Variants in HMGN1 observed in about 807,000 individuals in gnomAD.
The protein encoded by HMGN1 is high mobility group nucleosome binding domain 1, also known as non-histone chromosomal protein HMG-14.
In HMGN1, 9 loss-of-function variants were observed where a neutral mutation model predicts 18.4. The observed-to-expected ratio is 0.49, with a 90% CI of 0.29 to 0.85. The LOEUF is 0.85. HMGN1 is among the 40% of genes least tolerant of loss of function. The probability of loss-of-function intolerance (pLI) is 0.07; values close to 1 mark genes in which losing one functional copy is unlikely to be tolerated. For missense variants in HMGN1, 151 were observed against 119.2 expected, an observed-to-expected ratio of 1.27 and a Z score of -1.24; for synonymous variants, 59 against 45.0, an observed-to-expected ratio of 1.31 and a Z score of -1.24.
In HMGN1 at chr21:39,343,075, G is replaced by A. The variant is rs761550243; in HGVS notation, c.*37C>T. 9.6e-6 allele frequency: 13 copies of A among 1,350,448 alleles called. No individual in the cohort carries two copies. The African/African-American group carries it at 1.8e-4, about 18-fold the overall frequency. The allele number at this position is 1,350,448 out of a possible 1,614,324, so 83.7% of individuals were successfully genotyped here. On this transcript the variant is annotated 3_prime_UTR_variant, in exon 6 of 6. Transcript: ENST00000380749. Reference sequence around the variant, plus strand: ...TATTCCTCTGGATTGTACAAGAAGGGAGACAGGGACCACTGATAAGACATG... The same window carrying A: ...TATTCCTCTGGATTGTACAAGAAGGAAGACAGGGACCACTGATAAGACATG...
At chr21:39,345,630 C>G in intron 4 of HMGN1, 1 of 390,974 alleles carries the variant, frequency 2.6e-6, no homozygotes, top group Admixed American at 3.5e-5. Flanking sequence ...AGACATATGA[C>G]AAATCCTAAA....
intron 4 of HMGN1, chr21:39,345,638 A>T (rs2037024584): frequency 2.5e-6 from 1 of 392,304 alleles, no homozygotes; most frequent in African/African-American, 2.1e-5. Context: ...GACAAATCCT[A>T]AAGCCCGAGC....
At chr21:39,348,873 G>A in intron 1 of HMGN1, 30 bp downstream of exon 1, 7 of 1,116,818 alleles carry the variant, frequency 6.3e-6, no homozygotes, top group Non-Finnish European at 6.6e-6. Context: ...CGGCTCCAGG[G>A]GGCGTGTGCG....
rs774613025 is a variant in HMGN1 at position 39,342,912 on chromosome 21, T to C, written c.*200A>G. 27 of 1,337,662 alleles carry C rather than the reference T, an allele frequency of 2.0e-5. No homozygotes were observed. The South Asian group carries it at 2.3e-4, about 11-fold the overall frequency. 82.9% of individuals were successfully genotyped at this position (1,337,662 alleles called of 1,614,324 possible). On this transcript the variant is annotated 3_prime_UTR_variant, in exon 6 of 6. Coordinates refer to ENST00000380749, the MANE Select transcript of HMGN1 (RefSeq NM_004965.7). ...ACTATTTTCTGGTTGTACCAAAAAATAAACAACCAGCAAATGATTTCACCT... is the reference window on the plus strand; with the variant it reads ...ACTATTTTCTGGTTGTACCAAAAAACAAACAACCAGCAAATGATTTCACCT...
chr21:39,347,221 A>G (rs944692251), intron 4 of HMGN1: 2 of 490,082 alleles, frequency 4.1e-6, no homozygotes, highest in Non-Finnish European at 5.8e-6. Flanking sequence ...TGAGAAATTT[A>G]AAGTTGAAAA....
chr21:39,347,358 A>C, intron 4 of HMGN1: 1 of 1,090,122 alleles, frequency 9.2e-7, no homozygotes, highest in Non-Finnish European at 1.2e-6. Flanking sequence ...TTAAAAAAGA[A>C]AAAACATCTT....
rs772635366 is a variant in HMGN1 at position 39,345,737 on chromosome 21, C to T, written c.127-463G>A. The stretch of plus-strand genomic sequence containing the variant: ...ATGAAGTTGAATACCGGAGGAGTCT[C>T]GTCGACCGTATTCCCACCCATCCCC... On this transcript the variant is annotated intron_variant, in intron 4 of 5. Coordinates refer to ENST00000380749, the MANE Select transcript of HMGN1 (RefSeq NM_004965.7). 4.0e-5 allele frequency: 35 copies of T among 868,028 alleles called. 3 individuals carry two copies. The South Asian group carries it at 4.4e-4, about 11-fold the overall frequency. 53.8% of individuals were successfully genotyped at this position (868,028 alleles called of 1,614,324 possible).
chr21:39,347,108 G>C (rs2776313), intron 4 of HMGN1: 1 of 165,562 alleles, frequency 6.0e-6, no homozygotes, highest in Admixed American at 6.2e-5. Flanking sequence ...ATAATATACT[G>C]CTCACGCCAA....
At chr21:39,346,297 G>A in intron 4 of HMGN1, 1 of 239,352 alleles carries the variant, frequency 4.2e-6, no homozygotes, top group Non-Finnish European at 8.4e-6. Context: ...ACAGCATAAT[G>A]ACTTTTAATA....
chr21:39,345,986 A>G lies in HMGN1; in HGVS notation c.127-712T>C, dbSNP rs758303171. ...GAAAAGCACAGGTATTAATATGACC[A>G]TACTAACTTGATACATTAAGTTCAA... On this transcript the variant is annotated intron_variant, in intron 4 of 5. Transcript: ENST00000380749. 19 of 1,283,292 alleles carry G rather than the reference A, an allele frequency of 1.5e-5. No homozygotes were observed. The South Asian group carries it at 2.4e-4, about 16-fold the overall frequency. The allele number at this position is 1,283,292 out of a possible 1,614,324, so 79.5% of individuals were successfully genotyped here.
chr21:39,347,735 C>T (rs141031344), intron 4 of HMGN1: 13 of 263,422 alleles, frequency 4.9e-5, no homozygotes, highest in Non-Finnish European at 7.5e-5. Context: ...TCGAATCATG[C>T]AATCACGAAT....
At chr21:39,346,166 A>C in intron 4 of HMGN1, 1 of 356,664 alleles carries the variant, frequency 2.8e-6, no homozygotes, top group Non-Finnish European at 5.5e-6. Context: ...CCATACGGAT[A>C]CTGACCAATT....
At chr21:39,348,241 G>A (rs2037130588) in intron 4 of HMGN1, 51 bp downstream of exon 4, 1 of 1,596,390 alleles carries the variant, frequency 6.3e-7, no homozygotes, top group Non-Finnish European at 8.6e-7. Context: ...GCATTAAGAA[G>A]CAGTGTAGCC....
At chr21:39,345,696 A>G (rs967736640) in intron 4 of HMGN1, 5 of 541,944 alleles carry the variant, frequency 9.2e-6, no homozygotes, top group Admixed American at 5.0e-5. Flanking sequence ...ACAGTTCCAC[A>G]TGACAGGACA....
At chr21:39,345,587 G>T in intron 4 of HMGN1, 1 of 417,838 alleles carries the variant, frequency 2.4e-6, no homozygotes, top group Non-Finnish European at 4.5e-6. Context: ...ATGCTAAGGA[G>T]ATTTTAATAG....
At chr21:39,346,083 A>C in intron 4 of HMGN1, 1 of 519,388 alleles carries the variant, frequency 1.9e-6, no homozygotes, top group Non-Finnish European at 3.2e-6. Context: ...AGAAAGCTTA[A>C]CATTTATTCC....
In HMGN1 at chr21:39,343,028, T is replaced by C. The variant is rs2036916783; in HGVS notation, c.*84A>G. 1 of 1,309,980 alleles carries C rather than the reference T, an allele frequency of 7.6e-7. No homozygotes were observed. The highest frequency in any genetic ancestry group is 1.1e-6 in the Non-Finnish European group (1 of 914,898). The allele number at this position is 1,309,980 out of a possible 1,614,324, so 81.1% of individuals were successfully genotyped here. ...TTCTAGAGCTACTAAAAAACTTGCA[T>C]TTACAAAATAGTTGATAAAAATATT... On this transcript the variant is annotated 3_prime_UTR_variant, in exon 6 of 6. Coordinates refer to ENST00000380749, the MANE Select transcript of HMGN1 (RefSeq NM_004965.7).
chr21:39,345,401 G>C, intron 4 of HMGN1, 127 bp from the exon 5 acceptor site: 1 of 846,438 alleles, frequency 1.2e-6, no homozygotes, highest in Non-Finnish European at 1.9e-6. Flanking sequence ...TAAGGTTTGA[G>C]AGAGGGACAT....
At position 39,348,448 on chromosome 21, in the gene HMGN1, T is replaced by G. The variant is rs753045405; in HGVS notation, c.52A>C (p.Lys18Gln). Residue 18 changes from lysine to glutamine, a missense_variant, in exon 3 of 6, where the codon AAG becomes CAG. Transcript: ENST00000380749. The stretch of plus-strand genomic sequence containing the variant: ...GCTGACAACCGCGCCGATCTCCTCT[T>G]GGGCTTGGAGAAAGAAAAAGGAGAG... The part of the protein sequence containing the change: ...SAEGAAKEEP[K>Q]RRSARLSAKP... The G allele has an allele frequency of 3.7e-6, 6 of 1,614,122 alleles. No individual in the cohort carries two copies. In the South Asian group the frequency reaches 6.6e-5, roughly 18 times the overall value.
Sources: allele counts gnomAD v4.1 joint callset, GRCh38; gene constraint gnomAD v4.1.1; transcripts MANE v1.5; gene names NCBI Gene and HGNC (gene_info 2026-07-23, HGNC 2026-07-21).